Variants in MAPK12 observed in about 807,000 individuals in gnomAD.
MAPK12 encodes mitogen-activated protein kinase 12.
Under a neutral mutation model 49.1 loss-of-function variants are expected in MAPK12, and 49 were observed. That is an observed-to-expected ratio of 1.00 (90% confidence interval 0.79 to 1.27). The LOEUF is 1.27. MAPK12 is among the 50% of genes most tolerant of loss of function. The probability of loss-of-function intolerance (pLI) is 0.00; values close to 1 mark genes in which losing one functional copy is unlikely to be tolerated. For synonymous variants in MAPK12, 251 were observed against 209.7 expected, an observed-to-expected ratio of 1.20 and a Z score of -1.70; for missense variants, 554 against 502.4, an observed-to-expected ratio of 1.10 and a Z score of -0.98.
intron 11 of MAPK12, chr22:50,253,770 T>C (rs1382890962): frequency 2.9e-5 from 14 of 487,500 alleles, no homozygotes. Context: ...GAGGATCCTA[T>C]GGCCCATGGC....
chr22:50,259,896 A>C lies in MAPK12; in HGVS notation c.255+1271T>G, dbSNP rs549568984. ...CGAAACTCGGTCTCAAAAGAAAAAAAAAGAAAAAAAGCCCCAGAGCGCTTG... is the reference window on the plus strand; with the variant it reads ...CGAAACTCGGTCTCAAAAGAAAAAACAAGAAAAAAAGCCCCAGAGCGCTTG... On this transcript the variant is annotated intron_variant, in intron 2 of 11. Coordinates refer to ENST00000215659, the MANE Select transcript of MAPK12 (RefSeq NM_002969.6). Among the ~76,000 whole-genome samples, 23 of 151,314 alleles carry C rather than the reference A, an allele frequency of 1.5e-4. No individual in the cohort carries two copies. In the South Asian group the frequency reaches 4.8e-3, roughly 32 times the overall value.
At chr22:50,258,345 G>A (rs1214163710) in intron 2 of MAPK12, 44 bp from the exon 3 acceptor site, 2 of 1,551,696 alleles carry the variant, frequency 1.3e-6, no homozygotes, top group Admixed American at 3.3e-5. Flanking sequence ...GAGGACACGG[G>A]CTGGGGCACC....
rs1266734837 is a variant in MAPK12, at chr22:50,260,022, G to A, written c.255+1145C>T. Among the ~76,000 whole-genome samples the A allele has an allele frequency of 5.6e-5, 8 of 142,110 alleles. 1 individual carries two copies. Among genetic ancestry groups the A allele is most frequent in the African/African-American group, 2.1e-4 (8 of 38,938 alleles). 93.2% of individuals were successfully genotyped at this position (142,110 alleles called of 152,430 possible). A position where few individuals can be genotyped will look rare whatever the true frequency, so the allele number is the denominator to read the frequency against. Reference sequence around the variant, plus strand: ...GGCAAGGCCTTGGTGTGATGGGCGGGTGGTGGGGGGGTGCGGTGCCGGCGA... The same window carrying A: ...GGCAAGGCCTTGGTGTGATGGGCGGATGGTGGGGGGGTGCGGTGCCGGCGA... On this transcript the variant is annotated intron_variant, in intron 2 of 11. Transcript: ENST00000215659.
At chr22:50,254,606 C>T (rs977918790) in intron 11 of MAPK12, 10 of 971,868 alleles carry the variant, frequency 1.0e-5, no homozygotes, top group Non-Finnish European at 3.7e-6. Flanking sequence ...GAGTCAAGAT[C>T]GTGCCACTGC....
chr22:50,256,684 TC>T, intron 5 of MAPK12, 38 bp from the exon 6 acceptor site: 1 of 1,589,608 alleles, frequency 6.3e-7, no homozygotes, highest in Non-Finnish European at 8.6e-7. Context: ...TGCCCCACCC[TC>T]CCAAGCATGG....
intron 6 of MAPK12, 58 bp downstream of exon 6, chr22:50,256,541 G>C (rs2065152052): frequency 6.4e-7 from 1 of 1,574,766 alleles, no homozygotes; most frequent in Non-Finnish European, 8.6e-7. Flanking sequence ...TGGATAGATG[G>C]GCAGATCCAG....
Position 50,261,157 on chromosome 22 carries a change from C to T in MAPK12, c.255+10G>A. ...GCGGCGCCTTCCCGGAGCGGGGCCG[C>T]GCGACTCACGTTCTCGTGGCGCATG... On this transcript the variant is annotated intron_variant, in intron 2 of 11. Coordinates refer to ENST00000215659, the MANE Select transcript of MAPK12 (RefSeq NM_002969.6). 1.3e-6 allele frequency: 2 copies of T among 1,574,650 alleles called. No individual in the cohort carries two copies. The highest frequency in any genetic ancestry group is 2.4e-5 in the East Asian group (1 of 41,320).
chr22:50,255,578 G>A (rs2065140773), intron 9 of MAPK12, 37 bp downstream of exon 9: 7 of 1,582,714 alleles, frequency 4.4e-6, no homozygotes, highest in South Asian at 1.1e-5. Context: ...GCCCAGGTCC[G>A]CCCCCACCCC....
chr22:50,255,687 G>C lies in MAPK12; in HGVS notation c.699C>G (p.Asp233Glu), dbSNP rs780657283. The C allele has an allele frequency of 1.3e-5, 21 of 1,609,902 alleles. No individual in the cohort carries two copies. In the East Asian group the frequency reaches 4.5e-4, roughly 34 times the overall value. The change falls in exon 9 of 12, where the codon GAC becomes GAG. Residue 233 changes from aspartate to glutamate, a missense_variant. By Grantham distance (45) the Asp-to-Glu change is conservative. Coordinates refer to ENST00000215659, the MANE Select transcript of MAPK12 (RefSeq NM_002969.6). ...KTLFKGSDHL[D>E]QLKEIMKVTG... ...TCACCTTCATGATCTCCTTCAGCTG[G>C]TCCAGGTCTGCACCGAGGTCAGGAA...
chr22:50,253,502 G>GGCGGC, intron 11 of MAPK12, 22 bp from the exon 12 acceptor site: 1 of 171,686 alleles, frequency 5.8e-6, no homozygotes, highest in Non-Finnish European at 1.1e-5. Flanking sequence ...GGGGGGGCGG[G>GGCGGC]CACAACAGAG....
chr22:50,258,362 G>T, intron 2 of MAPK12, 61 bp from the exon 3 acceptor site: 1 of 1,410,982 alleles, frequency 7.1e-7, no homozygotes, highest in Non-Finnish European at 1.0e-6. Flanking sequence ...CACCCCCCAA[G>T]AGTGGCACAA....
intron 7 of MAPK12, 76 bp downstream of exon 7, chr22:50,256,009 C>G (rs2065146391): frequency 6.5e-7 from 1 of 1,527,750 alleles, no homozygotes; most frequent in Admixed American, 1.7e-5. Flanking sequence ...GAGCAGCCAC[C>G]ACAGGGCTGT....
chr22:50,261,007 A>C, intron 2 of MAPK12, 160 bp downstream of exon 2: 1 of 797,016 alleles, frequency 1.3e-6, no homozygotes, highest in Non-Finnish European at 1.8e-6. Context: ...CCAAGGAGAG[A>C]CAGGCCTTGC....
chr22:50,256,282 G>A (rs1032017773), intron 6 of MAPK12, 83 bp from the exon 7 acceptor site: 2 of 1,093,958 alleles, frequency 1.8e-6, no homozygotes, highest in Non-Finnish European at 2.7e-6. Context: ...ACCCCGGGGG[G>A]TTGGACTTGA....
At chr22:50,253,756 C>G (rs2065121891) in intron 11 of MAPK12, 1 of 533,582 alleles carries the variant, frequency 1.9e-6, no homozygotes, top group East Asian at 3.2e-5. Context: ...GTGGGGACTA[C>G]AGAGAGGATC....
In MAPK12 at chr22:50,255,681, C is replaced by A; in HGVS notation, c.705G>T (p.Leu235=). 6.2e-7 allele frequency: 1 copy of A among 1,602,204 alleles called. No individual in the cohort carries two copies. Among genetic ancestry groups the A allele is most frequent in the Non-Finnish European group, 8.5e-7 (1 of 1,174,902 alleles). Residue 235 remains leucine (L), a synonymous_variant, in exon 9 of 12, where the codon CTG becomes CTT. Transcript: ENST00000215659. Reference sequence around the variant, plus strand: ...TCCCCGTCACCTTCATGATCTCCTTCAGCTGGTCCAGGTCTGCACCGAGGT... The same window carrying A: ...TCCCCGTCACCTTCATGATCTCCTTAAGCTGGTCCAGGTCTGCACCGAGGT... ...LFKGSDHLDQ[L]KEIMKVTGTP...
At chr22:50,253,502 G>GGGGGGGGGGGCCCCCCCCCCCCC in intron 11 of MAPK12, 22 bp from the exon 12 acceptor site, 3 of 171,634 alleles carry the variant, frequency 1.7e-5, no homozygotes, top group East Asian at 1.5e-4. Flanking sequence ...GGGGGGGCGG[G>GGGGGGGGGGGCCCCCCCCCCCCC]CACAACAGAG....
At position 50,261,663 on chromosome 22, in the gene MAPK12, C is replaced by A. The variant is rs2065215862; in HGVS notation, c.-154G>T. Reference sequence around the variant, plus strand: ...GCCGCTGGGGCGCTCCCGCTCCCGGCCCTTCCCTCAGGGATGTCCCAGGTG... The same window carrying A: ...GCCGCTGGGGCGCTCCCGCTCCCGGACCTTCCCTCAGGGATGTCCCAGGTG... On this transcript the variant is annotated 5_prime_UTR_variant, in exon 1 of 12. Coordinates refer to ENST00000215659, the MANE Select transcript of MAPK12 (RefSeq NM_002969.6). 2 of 853,406 alleles carry A rather than the reference C, an allele frequency of 2.3e-6. No individual in the cohort carries two copies. The highest frequency in any genetic ancestry group is 2.8e-6 in the Non-Finnish European group (2 of 708,072). The allele number at this position is 853,406 out of a possible 1,614,324, so 52.9% of individuals were successfully genotyped here.
chr22:50,259,008 G>A (rs1441691854), intron 2 of MAPK12, among the ~76,000 whole-genome samples: 4 of 152,362 alleles, frequency 2.6e-5, no homozygotes, highest in Admixed American at 2.0e-4. Flanking sequence ...AGGGGCTGAG[G>A]AGAGGCCAGA....
Sources: allele counts gnomAD v4.1 joint callset (sites outside exome capture counted in the v4.1 genomes callset), GRCh38; gene constraint gnomAD v4.1.1; transcripts MANE v1.5; gene names NCBI Gene and HGNC (gene_info 2026-07-23, HGNC 2026-07-21).